Variants in DPT observed in about 807,000 individuals in gnomAD.
The protein encoded by DPT is dermatopontin, also known as tyrosine-rich acidic matrix protein.
A neutral mutation model predicts 31.2 loss-of-function variants in DPT; 21 were observed. The ratio of observed to expected loss-of-function variants is 0.67; its 90% CI spans 0.48 to 0.97. The LOEUF is 0.97. Ranked by LOEUF, DPT falls within the 50% of genes least tolerant of loss-of-function variation. The pLI is 0.00. For missense variants in DPT, 262 were observed against 258.8 expected, an observed-to-expected ratio of 1.01 and a Z score of -0.08; for synonymous variants, 91 against 86.9, an observed-to-expected ratio of 1.05 and a Z score of -0.26.
At chr1:168,719,794 AC>A (rs1557850764) in intron 1 of DPT, among the ~76,000 whole-genome samples, 1 of 70,540 alleles carries the variant, frequency 1.4e-5, no homozygotes, top group African/African-American at 1.1e-4. Flanking sequence ...GAGAAGACAT[AC>A]TTTTTTTTTT....
chr1:168,706,383 A>G (rs890249086), intron 2 of DPT, among the ~76,000 whole-genome samples: 1 of 152,262 alleles, frequency 6.6e-6, no homozygotes, highest in Non-Finnish European at 1.5e-5. Context: ...TGCTTTTCCA[A>G]GTAAGCTATA....
At chr1:168,697,132 T>A (rs966212190) in intron 3 of DPT, among the ~76,000 whole-genome samples, 6 of 151,856 alleles carry the variant, frequency 4.0e-5, no homozygotes, top group Non-Finnish European at 7.4e-5. Flanking sequence ...GGTGTGGTGG[T>A]GCATGCCTGT....
At chr1:168,728,805 C>A in intron 1 of DPT, 65 bp downstream of exon 1, 1 of 1,563,292 alleles carries the variant, frequency 6.4e-7, no homozygotes, top group South Asian at 1.2e-5. Context: ...AGTCTAGCAG[C>A]CCCCAGGAGG....
chr1:168,705,908 C>A (rs1308283978), intron 2 of DPT, among the ~76,000 whole-genome samples: 1 of 152,196 alleles, frequency 6.6e-6, no homozygotes, highest in Non-Finnish European at 1.5e-5. Context: ...AGTTTCCCTG[C>A]ACAAGCTCTC....
At chr1:168,700,892 T>G in intron 3 of DPT, 125 bp downstream of exon 3, 1 of 446,650 alleles carries the variant, frequency 2.2e-6, no homozygotes, top group Non-Finnish European at 3.8e-6. Flanking sequence ...GTATTCTACG[T>G]GTGTGTGTGT....
chr1:168,725,873 C>A (rs1650231291), intron 1 of DPT, among the ~76,000 whole-genome samples: 1 of 152,194 alleles, frequency 6.6e-6, no homozygotes, highest in South Asian at 2.1e-4. Context: ...TTATACAAGG[C>A]AGCCCAACTG....
At chr1:168,709,896 T>C (rs1470583218) in intron 2 of DPT, among the ~76,000 whole-genome samples, 2 of 152,188 alleles carry the variant, frequency 1.3e-5, no homozygotes, top group Non-Finnish European at 2.9e-5. Flanking sequence ...TCAAATAAAA[T>C]AATGTACATG....
intron 1 of DPT, among the ~76,000 whole-genome samples, chr1:168,718,205 G>C (rs888524514): frequency 6.6e-6 from 1 of 152,232 alleles, no homozygotes; most frequent in Non-Finnish European, 1.5e-5. Context: ...AGGGGACAGA[G>C]CTCCCATGGG....
chr1:168,712,136 C>T (rs572253350), intron 2 of DPT, among the ~76,000 whole-genome samples: 1 of 152,296 alleles, frequency 6.6e-6, no homozygotes, highest in South Asian at 2.1e-4. Context: ...CAGTGAGTGG[C>T]CCCATATCCT....
At chr1:168,696,998 A>G (rs542744205) in intron 3 of DPT, among the ~76,000 whole-genome samples, 34 of 152,132 alleles carry the variant, frequency 2.2e-4, no homozygotes, top group Non-Finnish European at 4.1e-4. Context: ...TTGGTAGCTA[A>G]CACCTGCAAT....
In DPT at chr1:168,725,459, A is replaced by G. The variant is rs191446245; in HGVS notation, c.305+3411T>C. 6.6e-3 allele frequency among the ~76,000 whole-genome samples: 997 copies of G among 152,142 alleles called. 5 individuals are homozygous for G. Among genetic ancestry groups the G allele is most frequent in the Non-Finnish European group, 0.011 (755 of 68,008 alleles). On this transcript the variant is annotated intron_variant, in intron 1 of 3. Coordinates refer to ENST00000367817, the MANE Select transcript of DPT (RefSeq NM_001937.5). ...CCCAGGGCTCCTTCCGCTACACAGT[A>G]GCTCAATCTCACTAGAAAATTTCAC...
intron 1 of DPT, among the ~76,000 whole-genome samples, chr1:168,725,934 A>G (rs1044819406): frequency 6.6e-6 from 1 of 152,220 alleles, no homozygotes; most frequent in African/African-American, 2.4e-5. Flanking sequence ...CCTGTAGCCA[A>G]CGTCAGATGT....
At chr1:168,700,890 C>CGTGT (rs774984429) in intron 3 of DPT, 127 bp downstream of exon 3, 5 of 539,990 alleles carry the variant, frequency 9.3e-6, no homozygotes, top group Non-Finnish European at 1.5e-5. Flanking sequence ...TTGTATTCTA[C>CGTGT]GTGTGTGTGT....
At chr1:168,712,343 T>C (rs1484912387) in intron 2 of DPT, among the ~76,000 whole-genome samples, 1 of 152,110 alleles carries the variant, frequency 6.6e-6, no homozygotes, top group Non-Finnish European at 1.5e-5. Flanking sequence ...ACCTCCTCAC[T>C]CTTTCCCCTG....
Position 168,701,069 on chromosome 1 carries a change from TG to T in DPT, c.486del (p.Tyr162Ter). ...HYGEEMDMIS[Y>X]NYDYYIRGAT... ...GCTCCTCGGATATAGTAATCATAAT[TG>T]TAGGAAATCATGTCCATTTCCTCAC... On this transcript the variant is annotated frameshift_variant, in exon 3 of 4. Transcript: ENST00000367817. LOFTEE classifies it high-confidence loss of function. The T allele has an allele frequency of 1.2e-6, 2 of 1,613,998 alleles. No homozygotes were observed. The highest frequency in any genetic ancestry group is 1.7e-6 in the Non-Finnish European group (2 of 1,179,958).
intron 1 of DPT, among the ~76,000 whole-genome samples, chr1:168,725,503 A>G (rs1178823628): frequency 6.6e-6 from 1 of 152,128 alleles, no homozygotes; most frequent in Non-Finnish European, 1.5e-5. Context: ...TATTCCACAC[A>G]GGACCCAGTG....
chr1:168,701,902 C>T (rs978807875), intron 2 of DPT, among the ~76,000 whole-genome samples: 5 of 152,164 alleles, frequency 3.3e-5, no homozygotes, highest in Non-Finnish European at 5.9e-5. Context: ...GATGAGTGTG[C>T]TATACTAGTA....
chr1:168,716,906 A>G (rs928149602), intron 1 of DPT, among the ~76,000 whole-genome samples: 1 of 152,342 alleles, frequency 6.6e-6, no homozygotes, highest in East Asian at 1.9e-4. Context: ...ATGGCTACAT[A>G]GTATTCCATG....
intron 3 of DPT, among the ~76,000 whole-genome samples, chr1:168,698,958 T>C (rs989667896): frequency 1.3e-5 from 2 of 152,194 alleles, no homozygotes; most frequent in African/African-American, 4.8e-5. Flanking sequence ...TATATTTATT[T>C]TATTTTATTT....
Sources: allele counts gnomAD v4.1 joint callset (sites outside exome capture counted in the v4.1 genomes callset), GRCh38; gene constraint gnomAD v4.1.1; transcripts MANE v1.5; gene names NCBI Gene and HGNC (gene_info 2026-07-23, HGNC 2026-07-21).